SLC67A1: variants seen among roughly 807,000 people sequenced by gnomAD.
SLC67A1 encodes the protein solute carrier family 67 member A1.
chr11:2,899,846 G>A, the SLC67A1 span: 59 of 878,310 alleles, frequency 6.7e-5, no homozygotes, highest in African/African-American at 9.6e-4. Flanking sequence ...AGCGCCAGAG[G>A]ACCCTCAGCC....
At chr11:2,906,770 C>T in the SLC67A1 span, among the ~76,000 whole-genome samples, 6 of 151,256 alleles carry the variant, frequency 4.0e-5, no homozygotes, top group African/African-American at 9.7e-5. Flanking sequence ...ATGTAAACGA[C>T]GAGTTAATGG....
At chr11:2,911,182 T>C in the SLC67A1 span, among the ~76,000 whole-genome samples, 1 of 151,736 alleles carries the variant, frequency 6.6e-6, no homozygotes, top group Non-Finnish European at 1.5e-5. Context: ...CCTCATGCAA[T>C]AGACGGATCA....
the SLC67A1 span, among the ~76,000 whole-genome samples, chr11:2,922,774 C>G: frequency 6.6e-6 from 1 of 151,878 alleles, no homozygotes; most frequent in African/African-American, 2.4e-5. Context: ...TGCCCTACCA[C>G]CTAGCCCAGC....
At chr11:2,900,285 T>TG in the SLC67A1 span, among the ~76,000 whole-genome samples, 1 of 152,190 alleles carries the variant, frequency 6.6e-6, no homozygotes, top group African/African-American at 2.4e-5. Flanking sequence ...ACTGCACCCG[T>TG]GGGCTTGCTA....
chr11:2,909,719 TG>T, the SLC67A1 span: 2 of 1,498,106 alleles, frequency 1.3e-6, no homozygotes, highest in Non-Finnish European at 8.9e-7. Context: ...GGGTGAGTGG[TG>T]GGGGCCGGGG....
the SLC67A1 span, chr11:2,916,539 C>T: frequency 4.9e-6 from 5 of 1,022,210 alleles, no homozygotes; most frequent in African/African-American, 1.6e-5. Context: ...TTTAGTGCAA[C>T]CAAAGGTGCA....
the SLC67A1 span, among the ~76,000 whole-genome samples, chr11:2,904,611 AC>A: frequency 6.6e-6 from 1 of 152,212 alleles, no homozygotes; most frequent in Admixed American, 6.5e-5. Flanking sequence ...GGCTTCAGCC[AC>A]CCATCGACTC....
the SLC67A1 span, among the ~76,000 whole-genome samples, chr11:2,911,661 T>G: frequency 1.3e-5 from 2 of 152,102 alleles, no homozygotes; most frequent in African/African-American, 4.8e-5. Flanking sequence ...TCCTCACCTA[T>G]GAAATGGGCC....
At chr11:2,919,543 G>C in the SLC67A1 span, 4 of 665,558 alleles carry the variant, frequency 6.0e-6, no homozygotes, top group East Asian at 8.1e-5. Flanking sequence ...AGGGTCCACA[G>C]GGAACCAGGC....
chr11:2,899,995 G>T, the SLC67A1 span, among the ~76,000 whole-genome samples: 1 of 152,200 alleles, frequency 6.6e-6, no homozygotes, highest in Non-Finnish European at 1.5e-5. Flanking sequence ...CATTGAGTAA[G>T]GGTTCATGTG....
At chr11:2,919,609 G>A in the SLC67A1 span, 19 of 568,708 alleles carry the variant, frequency 3.3e-5, no homozygotes, top group Non-Finnish European at 4.1e-5. Flanking sequence ...TGAGGACAGT[G>A]GACTCCGGCC....
chr11:2,919,264 G>A, the SLC67A1 span: 14 of 1,468,926 alleles, frequency 9.5e-6, no homozygotes, highest in Middle Eastern at 1.7e-4. Context: ...CGCCAAGGTC[G>A]GGGTGTGGGG....
the SLC67A1 span, chr11:2,909,494 G>A: frequency 1.0e-5 from 15 of 1,437,256 alleles, no homozygotes; most frequent in Admixed American, 7.5e-5. Context: ...GCGACGTGGG[G>A]CGTGGCTTGT....
chr11:2,909,440 C>T, the SLC67A1 span: 47 of 1,324,088 alleles, frequency 3.5e-5, no homozygotes, highest in East Asian at 7.9e-5. Flanking sequence ...GGGAGGTCTG[C>T]GTGCGCGCGG....
At chr11:2,918,208 G>A in the SLC67A1 span, 1 of 749,876 alleles carries the variant, frequency 1.3e-6, no homozygotes, top group Non-Finnish European at 2.2e-6. Context: ...AGATGTGGTA[G>A]AGCAGGCAGG....
the SLC67A1 span, among the ~76,000 whole-genome samples, chr11:2,912,958 CAAG>C: frequency 6.6e-6 from 1 of 152,200 alleles, no homozygotes; most frequent in Non-Finnish European, 1.5e-5. Context: ...CAAGAAAAAA[CAAG>C]GAGCCAGGGG....
chr11:2,922,018 C>A, the SLC67A1 span: 9 of 1,049,728 alleles, frequency 8.6e-6, no homozygotes, highest in African/African-American at 1.4e-4. Context: ...TCTGGAGGTC[C>A]CCAGCTTTGG....
the SLC67A1 span, among the ~76,000 whole-genome samples, chr11:2,906,229 G>A: frequency 6.6e-6 from 1 of 152,236 alleles, no homozygotes; most frequent in Non-Finnish European, 1.5e-5. Context: ...AACAGATGCT[G>A]GAGAGGACGT....
chr11:2,922,122 C>A, the SLC67A1 span: 1 of 1,613,224 alleles, frequency 6.2e-7, no homozygotes, highest in African/African-American at 1.3e-5. Flanking sequence ...GCCTGGTCAT[C>A]GGGCAGCTGA....
Sources: gnomAD v4.1 joint callset for allele counts (sites outside exome capture counted in the v4.1 genomes callset) on GRCh38, gnomAD v4.1.1 for gene constraint, MANE v1.5 for transcripts, NCBI Gene and HGNC (gene_info 2026-07-23, HGNC 2026-07-21) for gene names.